NCKAP5: variants seen among roughly 807,000 people sequenced by gnomAD.
The protein encoded by NCKAP5 is NCK associated protein 5.
NCKAP5 carries 92 observed loss-of-function variants against 167.0 expected under a neutral mutation model. The observed-to-expected ratio is 0.55, with a 90% CI of 0.47 to 0.66. The LOEUF (loss-of-function observed/expected upper bound fraction) is 0.66. NCKAP5 is among the 30% of genes least tolerant of loss of function. The pLI, the probability that NCKAP5 is intolerant of heterozygous loss-of-function variation, is 0.00. For synonymous variants in NCKAP5, 891 were observed against 877.4 expected (o/e 1.02, Z -0.27); for missense variants, 2,378 against 2,315.0 (o/e 1.03, Z -0.56).
At chr2:132,943,859 A>G (rs1247869679) in intron 8 of NCKAP5, among the ~76,000 whole-genome samples, 2 of 152,212 alleles carry the variant, frequency 1.3e-5, no homozygotes, top group Non-Finnish European at 2.9e-5. Context: ...AGACCTTACC[A>G]ATGAGAGTTC....
intron 4 of NCKAP5, among the ~76,000 whole-genome samples, chr2:133,282,394 A>G (rs2150471365): frequency 6.6e-6 from 1 of 152,338 alleles, no homozygotes; most frequent in South Asian, 2.1e-4. Context: ...GAAAAGACCC[A>G]TGACCAAATG....
At chr2:132,881,593 T>A (rs1691762052) in intron 8 of NCKAP5, among the ~76,000 whole-genome samples, 1 of 150,796 alleles carries the variant, frequency 6.6e-6, no homozygotes, top group African/African-American at 2.5e-5. Flanking sequence ...AGAGGCCAGT[T>A]ATGTTGTTGA....
intron 2 of NCKAP5, among the ~76,000 whole-genome samples, chr2:133,545,234 T>C (rs1686554738): frequency 6.6e-6 from 1 of 152,198 alleles, no homozygotes; most frequent in Admixed American, 6.5e-5. Context: ...TTAAACTTTT[T>C]GCTCATGCTA....
intron 6 of NCKAP5, among the ~76,000 whole-genome samples, chr2:133,035,855 T>G (rs891907151): frequency 6.6e-6 from 1 of 151,210 alleles, no homozygotes; most frequent in African/African-American, 2.4e-5. Context: ...TAAATGAAAT[T>G]GAAAGAAAAA....
chr2:133,540,866 G>A (rs371452668), intron 2 of NCKAP5, among the ~76,000 whole-genome samples: 1 of 150,222 alleles, frequency 6.7e-6, no homozygotes, highest in African/African-American at 2.4e-5. Flanking sequence ...AACCCAGGAG[G>A]TGGAGGTGCA....
At chr2:132,996,651 T>C (rs2077610124) in intron 6 of NCKAP5, among the ~76,000 whole-genome samples, 1 of 152,246 alleles carries the variant, frequency 6.6e-6, no homozygotes, top group Non-Finnish European at 1.5e-5. Context: ...TCTTATCTTC[T>C]GGAATAAATG....
intron 6 of NCKAP5, among the ~76,000 whole-genome samples, chr2:133,018,249 G>A (rs1343495765): frequency 1.3e-5 from 2 of 152,192 alleles, no homozygotes; most frequent in Admixed American, 1.3e-4. Flanking sequence ...TAGCAATCGG[G>A]TTGTCTTAGG....
At chr2:133,351,839 C>A (rs1181426694) in intron 3 of NCKAP5, among the ~76,000 whole-genome samples, 1 of 152,180 alleles carries the variant, frequency 6.6e-6, no homozygotes, top group Non-Finnish European at 1.5e-5. Context: ...CTCCCCACCA[C>A]CCCATAATCA....
At chr2:133,452,834 T>A (rs1441065733) in intron 3 of NCKAP5, among the ~76,000 whole-genome samples, 6 of 152,178 alleles carry the variant, frequency 3.9e-5, no homozygotes, top group Non-Finnish European at 5.9e-5. Flanking sequence ...TGTGGCCTCT[T>A]TCCCCTGTAC....
At chr2:132,900,155 A>G (rs1291657365) in intron 8 of NCKAP5, among the ~76,000 whole-genome samples, 1 of 152,208 alleles carries the variant, frequency 6.6e-6, no homozygotes, top group East Asian at 1.9e-4. Context: ...GTCACATCAA[A>G]GAACACTGAT....
chr2:133,060,370 T>C (rs146958154), intron 6 of NCKAP5, among the ~76,000 whole-genome samples: 27 of 152,268 alleles, frequency 1.8e-4, no homozygotes, highest in African/African-American at 6.3e-4. Flanking sequence ...AATATACCCA[T>C]CATGACACAT....
intron 3 of NCKAP5, among the ~76,000 whole-genome samples, chr2:133,478,151 T>C (rs1048704264): frequency 2.6e-5 from 4 of 152,196 alleles, no homozygotes; most frequent in Admixed American, 6.5e-5. Flanking sequence ...AAATCTGGTT[T>C]CAAACTCACT....
At position 133,291,857 on chromosome 2, in the gene NCKAP5, C is replaced by T. The variant is rs368962614; in HGVS notation, c.143+11180G>A. On this transcript the variant is annotated intron_variant, in intron 4 of 19. Transcript: ENST00000409261. ...TTAACCTATTCCTGATTCTTTGATT[C>T]AAGGAACCTTGCCATCCTTAGCTCT... Among the ~76,000 whole-genome samples the T allele has an allele frequency of 3.5e-4, 54 of 152,340 alleles. No homozygotes were observed. In the Middle Eastern group the frequency reaches 0.01, roughly 29 times the overall value.
At chr2:133,159,910 C>G (rs1239053947) in intron 5 of NCKAP5, among the ~76,000 whole-genome samples, 1 of 152,108 alleles carries the variant, frequency 6.6e-6, no homozygotes, top group East Asian at 1.9e-4. Flanking sequence ...AGGGGTCACT[C>G]TAGGCAAAAG....
intron 4 of NCKAP5, 57 bp from the exon 5 acceptor site, chr2:133,213,836 G>T: frequency 1.3e-6 from 2 of 1,544,036 alleles, no homozygotes; most frequent in Non-Finnish European, 1.8e-6. Context: ...GGTGACACTG[G>T]CATGGCCGTG....
intron 12 of NCKAP5, among the ~76,000 whole-genome samples, chr2:132,791,311 G>A (rs781182258): frequency 1.4e-4 from 21 of 152,208 alleles, no homozygotes; most frequent in Admixed American, 2.6e-4. Flanking sequence ...TCCAGTCCTT[G>A]TTACCATTTG....
the NCKAP5 span, among the ~76,000 whole-genome samples, chr2:133,629,105 A>G: frequency 6.6e-6 from 1 of 152,234 alleles, no homozygotes; most frequent in Admixed American, 6.5e-5. Context: ...AAATATCAAA[A>G]GCAATTGCAA....
At chr2:133,553,235 C>A (rs1395964559) in intron 2 of NCKAP5, among the ~76,000 whole-genome samples, 2 of 152,186 alleles carry the variant, frequency 1.3e-5, no homozygotes, top group African/African-American at 4.8e-5. Flanking sequence ...TTTTGAAATC[C>A]TTAAGCACAG....
intron 16 of NCKAP5, among the ~76,000 whole-genome samples, chr2:132,735,153 T>A (rs1691390860): frequency 6.6e-6 from 1 of 151,718 alleles, no homozygotes; most frequent in Non-Finnish European, 1.5e-5. Flanking sequence ...CCTCTTGGAT[T>A]GAATCCTTAG....
Sources: allele counts gnomAD v4.1 joint callset (sites outside exome capture counted in the v4.1 genomes callset), GRCh38; gene constraint gnomAD v4.1.1; transcripts MANE v1.5; gene names NCBI Gene and HGNC (gene_info 2026-07-23, HGNC 2026-07-21).